The following IL1RAPL2 variants were observed in gnomAD, a reference collection of about 807,000 sequenced individuals.
IL1RAPL2 encodes interleukin 1 receptor accessory protein like 2.
IL1RAPL2 carries 3 observed loss-of-function variants against 44.1 expected under a neutral mutation model. The observed-to-expected ratio is 0.07, with a 90% CI of 0.03 to 0.18. IL1RAPL2 has a LOEUF of 0.18. IL1RAPL2 is among the 10% of genes least tolerant of loss of function. The pLI is 1.00. For synonymous variants in IL1RAPL2, 181 were observed against 178.8 expected, an observed-to-expected ratio of 1.01 and a Z score of -0.10; for missense variants, 391 against 496.4, an observed-to-expected ratio of 0.79 and a Z score of 2.02.
At chrX:105,427,235 C>G (rs2035817580) in intron 5 of IL1RAPL2, among the ~76,000 whole-genome samples, 1 of 111,404 alleles carries the variant, frequency 9.0e-6, no homozygotes, top group African/African-American at 3.3e-5. Context: ...TGTGCAAGCT[C>G]CTGATCAGGC....
Position 104,761,845 on chromosome X carries a change from TCTTCTCCTTCTC to T in IL1RAPL2, c.82+102922_82+102933del, listed in dbSNP as rs1307424877. Reference sequence around the variant, plus strand: ...TCCTTCTCCTTCTTCTCCTTCTCCTTCTTCTCCTTCTCCTTCTCCTTCTCCTTCTCCTTCTCC... The same window carrying T: ...TCCTTCTCCTTCTTCTCCTTCTCCTTCTTCTCCTTCTCCTTCTCCTTCTCC... On this transcript the variant is annotated intron_variant, in intron 2 of 10. Transcript: ENST00000372582. Among the ~76,000 whole-genome samples, 136 of 53,813 alleles carry T rather than the reference TCTTCTCCTTCTC, an allele frequency of 2.5e-3. 4 individuals carry two copies. Among genetic ancestry groups the T allele is most frequent in the East Asian group, 6.5e-3 (9 of 1,393 alleles). 46.7% of individuals were successfully genotyped at this position (53,813 alleles called of 115,157 possible).
At chrX:104,680,789 C>T (rs55816023) in intron 2 of IL1RAPL2, among the ~76,000 whole-genome samples, 3,271 of 111,603 alleles carry the variant, frequency 0.029, 45 homozygotes, top group Non-Finnish European at 0.044. Flanking sequence ...TAAATTCTTT[C>T]CAATTTCTTC....
chrX:104,904,290 TTTAAA>T (rs1341393708), intron 2 of IL1RAPL2, among the ~76,000 whole-genome samples: 1 of 110,530 alleles, frequency 9.0e-6, no homozygotes, highest in Non-Finnish European at 1.9e-5. Context: ...TAGTTTTCTT[TTTAAA>T]TTATTCTTTT....
Position 105,645,960 on chromosome X carries a change from TCTTTA to T in IL1RAPL2, c.773-71403_773-71399del, listed in dbSNP as rs762296718. Among the ~76,000 whole-genome samples the T allele has an allele frequency of 3.6e-5, 4 of 111,619 alleles. No individual in the cohort carries two copies. The East Asian group carries it at 1.1e-3, about 32-fold the overall frequency. Reference sequence around the variant, plus strand: ...CTCCCCTTGTGCTCTCCCTTGCCCTTCTTTACTTCAAGTTTCCCAGACACCTTGTC... The same window carrying T: ...CTCCCCTTGTGCTCTCCCTTGCCCTTCTTCAAGTTTCCCAGACACCTTGTC... On this transcript the variant is annotated intron_variant, in intron 6 of 10. Coordinates refer to ENST00000372582, the MANE Select transcript of IL1RAPL2 (RefSeq NM_017416.2).
rs2033955341 is a variant in IL1RAPL2 at position 105,220,824 on chromosome X, T to C, written c.357-12994T>C. 2.2e-5 allele frequency: 3 copies of C among 134,604 alleles called. No individual in the cohort carries two copies. The South Asian group carries it at 1.0e-3, about 46-fold the overall frequency. The allele number at this position is 134,604 out of a possible 1,213,427, so 11.1% of individuals were successfully genotyped here. A position where few individuals can be genotyped will look rare whatever the true frequency, so the allele number is the denominator to read the frequency against. On this transcript the variant is annotated intron_variant, in intron 3 of 10. Coordinates refer to ENST00000372582, the MANE Select transcript of IL1RAPL2 (RefSeq NM_017416.2). ...GGATTTAAGGGAACCTGTCACATGG[T>C]TGGGAGCCCTTAAAGGTCGGAAGAA...
chrX:104,856,285 A>G (rs1036038352), intron 2 of IL1RAPL2, among the ~76,000 whole-genome samples: 1 of 112,278 alleles, frequency 8.9e-6, no homozygotes, highest in Admixed American at 9.4e-5. Flanking sequence ...AGAAAATTTC[A>G]GTTACCTTGT....
intron 2 of IL1RAPL2, among the ~76,000 whole-genome samples, chrX:105,022,437 A>T (rs2031298091): frequency 9.0e-6 from 1 of 111,651 alleles, no homozygotes; most frequent in Non-Finnish European, 1.9e-5. Context: ...GTATTAAATG[A>T]CTTAAAGACA....
At chrX:104,675,213 CCTG>C (rs1930720355) in intron 2 of IL1RAPL2, among the ~76,000 whole-genome samples, 1 of 110,837 alleles carries the variant, frequency 9.0e-6, no homozygotes, top group Non-Finnish European at 1.9e-5. Flanking sequence ...TTGGATCTTT[CCTG>C]CTTTCTCTTG....
At chrX:104,678,481 T>A (rs1460790542) in intron 2 of IL1RAPL2, among the ~76,000 whole-genome samples, 1 of 111,971 alleles carries the variant, frequency 8.9e-6, no homozygotes, top group Non-Finnish European at 1.9e-5. Flanking sequence ...TAAGTTAGCC[T>A]TTTTATAGAG....
At chrX:104,640,429 T>C (rs1276147369) in intron 1 of IL1RAPL2, among the ~76,000 whole-genome samples, 1 of 112,074 alleles carries the variant, frequency 8.9e-6, no homozygotes, top group Non-Finnish European at 1.9e-5. Flanking sequence ...CTGAGTTGTA[T>C]TGTACCTCAC....
At chrX:104,764,090 T>C (rs1287152553) in intron 2 of IL1RAPL2, among the ~76,000 whole-genome samples, 3 of 111,532 alleles carry the variant, frequency 2.7e-5, no homozygotes, top group Non-Finnish European at 5.7e-5. Flanking sequence ...TTTCTATTTC[T>C]GTGAAGAATG....
chrX:105,034,367 G>T (rs1232222305), intron 2 of IL1RAPL2, among the ~76,000 whole-genome samples: 1 of 111,435 alleles, frequency 9.0e-6, no homozygotes, highest in Non-Finnish European at 1.9e-5. Context: ...ACCTACTTTT[G>T]GTCTTTGATG....
intron 2 of IL1RAPL2, among the ~76,000 whole-genome samples, chrX:105,088,328 G>T (rs1738599491): frequency 8.9e-6 from 1 of 111,838 alleles, no homozygotes; most frequent in African/African-American, 3.2e-5. Context: ...TATAATAATG[G>T]AGTGGAATTA....
At chrX:104,890,650 T>C (rs1231911929) in intron 2 of IL1RAPL2, among the ~76,000 whole-genome samples, 1 of 112,260 alleles carries the variant, frequency 8.9e-6, no homozygotes, top group Non-Finnish European at 1.9e-5. Flanking sequence ...GGATTGTCTG[T>C]TTTTTTCTTG....
intron 2 of IL1RAPL2, among the ~76,000 whole-genome samples, chrX:105,097,073 A>G (rs1395188661): frequency 9.1e-6 from 1 of 109,786 alleles, no homozygotes; most frequent in Non-Finnish European, 1.9e-5. Flanking sequence ...TCATGCCTGT[A>G]CTCCCAGCAC....
chrX:105,269,159 T>A (rs1603040953), intron 5 of IL1RAPL2, among the ~76,000 whole-genome samples: 1 of 111,283 alleles, frequency 9.0e-6, no homozygotes, highest in East Asian at 2.8e-4. Context: ...TAACATACTC[T>A]TTCTAATGTT....
intron 2 of IL1RAPL2, among the ~76,000 whole-genome samples, chrX:104,973,856 C>A (rs768587596): frequency 5.4e-5 from 6 of 111,690 alleles, no homozygotes; most frequent in Non-Finnish European, 7.5e-5. Context: ...TATAGAGAAT[C>A]CTTTTGATGC....
chrX:105,133,669 G>A (rs1317707917), intron 2 of IL1RAPL2, among the ~76,000 whole-genome samples: 4 of 111,760 alleles, frequency 3.6e-5, no homozygotes, highest in African/African-American at 1.3e-4. Flanking sequence ...ACTTCTGGAG[G>A]TTGGGAAGTC....
At chrX:104,602,547 C>A (rs189035807) in intron 1 of IL1RAPL2, among the ~76,000 whole-genome samples, 32 of 111,661 alleles carry the variant, frequency 2.9e-4, no homozygotes, top group Admixed American at 2.7e-3. Flanking sequence ...CGGGTCCCAC[C>A]CTCACGGAGC....
Sources: allele counts gnomAD v4.1 joint callset (sites outside exome capture counted in the v4.1 genomes callset), GRCh38; gene constraint gnomAD v4.1.1; transcripts MANE v1.5; gene names NCBI Gene and HGNC (gene_info 2026-07-23, HGNC 2026-07-21).